DST: variants seen among roughly 807,000 people sequenced by gnomAD.
The protein encoded by DST is bullous pemphigoid antigen.
In DST, 253 loss-of-function variants were observed where a neutral mutation model predicts 875.2. The ratio of observed to expected loss-of-function variants is 0.29; its 90% CI spans 0.26 to 0.32. The LOEUF (loss-of-function observed/expected upper bound fraction) is 0.32. Ranked by LOEUF, DST falls within the 10% of genes least tolerant of loss-of-function variation. The probability of loss-of-function intolerance (pLI) is 1.00; values close to 1 mark genes in which losing one functional copy is unlikely to be tolerated. For synonymous variants in DST, 3,124 were observed against 3,197.1 expected, an observed-to-expected ratio of 0.98 and a Z score of 0.77; for missense variants, 8,287 against 9,111.6, an observed-to-expected ratio of 0.91 and a Z score of 3.68.
intron 4 of DST, among the ~76,000 whole-genome samples, chr6:56,772,852 G>A (rs1245578106): frequency 1.3e-5 from 2 of 152,138 alleles, no homozygotes; most frequent in East Asian, 3.9e-4. Context: ...GTGCACTAGG[G>A]TTGTCATTGT....
At position 56,460,238 on chromosome 6, in the gene DST, C is replaced by G; in HGVS notation, c.23087G>C (p.Gly7696Ala). 6.2e-7 allele frequency: 1 copy of G among 1,613,998 alleles called. No individual in the cohort carries two copies. Among genetic ancestry groups the G allele is most frequent in the Non-Finnish European group, 8.5e-7 (1 of 1,179,876 alleles). Residue 7696 changes from glycine to alanine, a missense_variant, in exon 103 of 104, where the codon GGA becomes GCA. Physicochemically the swap from Gly to Ala is moderately conservative, Grantham distance 60 (BLOSUM62 0). This residue lies in a region of DST where 240 missense variants were observed against 237.3 expected (regional missense o/e 1.01). Coordinates refer to ENST00000680361, the MANE Select transcript of DST (RefSeq NM_001374736.1). ...ATATCCTGGAAGTCGAAGCTTGCTT[C>G]CTTGTATTGGCGTTCCCTGTATTTA... Reference protein sequence around the residue: ...VPSAEGTPIQGSKLRLPGYLS... With the variant: ...VPSAEGTPIQASKLRLPGYLS...
At chr6:56,738,053 G>A (rs1563942852) in intron 4 of DST, among the ~76,000 whole-genome samples, 1 of 152,018 alleles carries the variant, frequency 6.6e-6, no homozygotes. Context: ...CAATAAGAAT[G>A]GGGGGGAGGA....
intron 63 of DST, 102 bp from the exon 64 acceptor site, chr6:56,532,612 T>C: frequency 9.0e-7 from 1 of 1,105,674 alleles, no homozygotes; most frequent in African/African-American, 1.6e-5. Flanking sequence ...AAATGTATTT[T>C]GTATGTATGC....
At chr6:56,586,632 C>T (rs188964970) in intron 49 of DST, among the ~76,000 whole-genome samples, 1,553 of 152,172 alleles carry the variant, frequency 0.01, 28 homozygotes, top group African/African-American at 0.035. Context: ...ACCCCTGACC[C>T]CCGAGCAGCC....
intron 100 of DST, chr6:56,464,021 A>AAT: frequency 5.5e-6 from 3 of 549,112 alleles, no homozygotes; most frequent in Non-Finnish European, 1.0e-5. Flanking sequence ...CACCAGCAAG[A>AAT]ATAACCACTA....
intron 13 of DST, 128 bp from the exon 14 acceptor site, chr6:56,646,310 G>A (rs910073656): frequency 8.0e-5 from 41 of 511,078 alleles, no homozygotes; most frequent in Middle Eastern, 5.4e-4. Flanking sequence ...TTGTTAAACC[G>A]ACACTCAAAG....
chr6:56,536,915 G>T lies in DST; in HGVS notation c.16634C>A (p.Pro5545His), dbSNP rs776611722. 14 of 1,613,504 alleles carry T rather than the reference G, an allele frequency of 8.7e-6. No individual in the cohort carries two copies. The Admixed American group carries it at 2.3e-4, about 27-fold the overall frequency. The change falls in exon 62 of 104, where the codon CCC becomes CAC. Residue 5545 changes from proline to histidine, a missense_variant. Physicochemically the swap from Pro to His is moderately conservative, Grantham distance 77. Coordinates refer to ENST00000680361, the MANE Select transcript of DST (RefSeq NM_001374736.1). ...FKVFQKEEIEPLQGKQQDVNW... is the reference protein window; with the variant it reads ...FKVFQKEEIEHLQGKQQDVNW... Reference sequence around the variant, plus strand: ...TACATCTTGCTGTTTACCTTGCAAGGGTTCAATCTCTTCTTTCTGGAATAC... The same window carrying T: ...TACATCTTGCTGTTTACCTTGCAAGTGTTCAATCTCTTCTTTCTGGAATAC...
chr6:56,601,696 A>C lies in DST; in HGVS notation c.11308-20T>G, dbSNP rs1372238244. 1.4e-6 allele frequency: 2 copies of C among 1,400,888 alleles called. No individual in the cohort carries two copies. The highest frequency in any genetic ancestry group is 4.4e-5 in the Admixed American group (2 of 45,818). The allele number at this position is 1,400,888 out of a possible 1,614,324, so 86.8% of individuals were successfully genotyped here. The stretch of plus-strand genomic sequence containing the variant: ...TACATTCTGTTAAAAAAGTAGTACA[A>C]GCTATCAGTAGAAAGTTAAGCCATG... On this transcript the variant is annotated intron_variant, in intron 43 of 103. Coordinates refer to ENST00000680361, the MANE Select transcript of DST (RefSeq NM_001374736.1).
intron 10 of DST, among the ~76,000 whole-genome samples, chr6:56,669,624 A>G (rs2099089849): frequency 6.6e-6 from 1 of 151,906 alleles, no homozygotes; most frequent in Admixed American, 6.6e-5. Context: ...AAAGTAGTAT[A>G]TAATTTTCAA....
In DST at chr6:56,497,978, A is replaced by G. The variant is rs1479260897; in HGVS notation, c.19972T>C (p.Ser6658Pro). The G allele has an allele frequency of 6.2e-7, 1 of 1,613,510 alleles. No homozygotes were observed. The highest frequency in any genetic ancestry group is 1.1e-5 in the South Asian group (1 of 91,056). Reference sequence around the variant, plus strand: ...TTGCTTGCTTCTTCTCCTGCACTTGATTCAATTAGATCATTTCCTGCTTTA... The same window carrying G: ...TTGCTTGCTTCTTCTCCTGCACTTGGTTCAATTAGATCATTTCCTGCTTTA... Reference protein sequence around the residue: ...VNKAGNDLIESSAGEEASNLQ... With the variant: ...VNKAGNDLIEPSAGEEASNLQ... The change falls in exon 81 of 104, where the codon TCA (serine) becomes CCA (proline). Residue 6658 changes from serine to proline, a missense_variant. This residue lies in a region of DST where 1,292 missense variants were observed against 1,552.7 expected (regional missense o/e 0.83). Coordinates refer to ENST00000680361, the MANE Select transcript of DST (RefSeq NM_001374736.1).
chr6:56,633,112 G>T, intron 27 of DST, 75 bp from the exon 28 acceptor site: 1 of 1,186,088 alleles, frequency 8.4e-7, no homozygotes, highest in Non-Finnish European at 1.3e-6. Flanking sequence ...CAAACTGGTC[G>T]TGTGGTATAT....
At position 56,498,048 on chromosome 6, in the gene DST, G is replaced by A. The variant is rs1326737777; in HGVS notation, c.19902C>T (p.Leu6634=). The part of the protein sequence containing the change: ...IEIELAKHHV[L]QNDVLAHQST... ...ACTGATGGGCTAATACATCATTTTG[G>A]AGCACCTGAAAATATAAAGATAACA... Residue 6634 remains leucine, a synonymous_variant, in exon 81 of 104, where the codon CTC becomes CTT. Coordinates refer to ENST00000680361, the MANE Select transcript of DST (RefSeq NM_001374736.1). 1.6e-5 allele frequency: 26 copies of A among 1,610,758 alleles called. No individual in the cohort carries two copies. The highest frequency in any genetic ancestry group is 2.2e-5 in the South Asian group (2 of 90,266).
chr6:56,650,425 C>T (rs1254117948), intron 12 of DST, among the ~76,000 whole-genome samples: 3 of 151,558 alleles, frequency 2.0e-5, no homozygotes, highest in African/African-American at 4.9e-5. Flanking sequence ...TGTCAGAGAC[C>T]TTTCCCTGCT....
At chr6:56,682,818 C>G (rs2099163189) in intron 9 of DST, among the ~76,000 whole-genome samples, 1 of 152,150 alleles carries the variant, frequency 6.6e-6, no homozygotes, top group Admixed American at 6.5e-5. Context: ...ATGTGAGCCA[C>G]AGTCTCAAAA....
chr6:56,630,118 GA>G lies in DST; in HGVS notation c.4281+126del, dbSNP rs2152757350. 5.4e-6 allele frequency: 4 copies of G among 742,126 alleles called. No homozygotes were observed. The South Asian group carries it at 6.9e-5, about 13-fold the overall frequency. 46.0% of individuals were successfully genotyped at this position (742,126 alleles called of 1,614,324 possible). On this transcript the variant is annotated intron_variant, in intron 31 of 103. Transcript: ENST00000680361. Reference sequence around the variant, plus strand: ...ACTTAGAGTAAACTGTGAGATCACAGAGACACAAATGGAATAAATCCATTCA... The same window carrying G: ...ACTTAGAGTAAACTGTGAGATCACAGGACACAAATGGAATAAATCCATTCA...
At chr6:56,561,263 T>C in intron 57 of DST, 45 bp downstream of exon 57, 1 of 1,553,456 alleles carries the variant, frequency 6.4e-7, no homozygotes, top group Non-Finnish European at 8.7e-7. Flanking sequence ...CAACTGCTAA[T>C]CCATTCTCTT....
In DST at chr6:56,511,210, G is replaced by C. The variant is rs746454236; in HGVS notation, c.18767C>G (p.Ser6256Cys). Residue 6256 changes from serine (S) to cysteine (C), a missense_variant, in exon 73 of 104, where the codon TCT (serine) becomes TGT (cysteine). This residue lies in a region of DST where 1,292 missense variants were observed against 1,552.7 expected (regional missense o/e 0.83). Coordinates refer to ENST00000680361, the MANE Select transcript of DST (RefSeq NM_001374736.1). ...GTAAACAATTACCTGAGTTGATTGA[G>C]AAATGGCTTCATCCAGTGCCACAGC... Reference protein sequence around the residue: ...KRAVALDEAISQSTQFHDKID... With the variant: ...KRAVALDEAICQSTQFHDKID... 1.3e-6 allele frequency: 2 copies of C among 1,582,142 alleles called. No homozygotes were observed. Among genetic ancestry groups the C allele is most frequent in the South Asian group, 2.3e-5 (2 of 86,566 alleles).
Position 56,680,458 on chromosome 6 carries a change from A to T in DST, c.1048-9651T>A, listed in dbSNP as rs573613408. 2.6e-5 allele frequency among the ~76,000 whole-genome samples: 4 copies of T among 152,336 alleles called. No homozygotes were observed. In the South Asian group the frequency reaches 8.3e-4, roughly 32 times the overall value. On this transcript the variant is annotated intron_variant, in intron 9 of 103. Transcript: ENST00000680361. ...TGTACCATTAACAGGCATTGGTTAT[A>T]CAACCATCCTCATGGAGCTTACAGT...
intron 3 of DST, among the ~76,000 whole-genome samples, chr6:56,885,694 G>T (rs1175665145): frequency 1.3e-5 from 2 of 152,160 alleles, no homozygotes; most frequent in Non-Finnish European, 2.9e-5. Context: ...CCTTCCACCA[G>T]GTGAGGATGC....
Sources: gnomAD v4.1 joint callset for allele counts (sites outside exome capture counted in the v4.1 genomes callset) on GRCh38, gnomAD v4.1.1 for gene constraint, gnomAD v4.1.1 regional missense constraint, MANE v1.5 for transcripts, NCBI Gene and HGNC (gene_info 2026-07-23, HGNC 2026-07-21) for gene names.